GPC5: variants seen among roughly 807,000 people sequenced by gnomAD.
GPC5 encodes the protein glypican-5.
Under a neutral mutation model 53.9 loss-of-function variants are expected in GPC5, and 47 were observed. That is an observed-to-expected ratio of 0.87 (90% CI 0.69 to 1.11). GPC5 has a LOEUF of 1.11. Among genes scored for constraint, GPC5 ranks in the 50% most tolerant of loss-of-function variants. The probability of loss-of-function intolerance (pLI) is 0.00; values close to 1 mark genes in which losing one functional copy is unlikely to be tolerated. For synonymous variants in GPC5, 286 were observed against 263.3 expected (o/e 1.09, Z -0.84); for missense variants, 748 against 713.1 (o/e 1.05, Z -0.56).
chr13:92,628,206 T>C (rs1885107780), intron 7 of GPC5, among the ~76,000 whole-genome samples: 1 of 151,250 alleles, frequency 6.6e-6, no homozygotes, highest in Non-Finnish European at 1.5e-5. Context: ...ATATATCAGG[T>C]CTTTTTAAAT....
At chr13:92,155,139 G>A (rs1757817313) in intron 7 of GPC5, among the ~76,000 whole-genome samples, 1 of 152,016 alleles carries the variant, frequency 6.6e-6, no homozygotes, top group African/African-American at 2.4e-5. Context: ...AAGGACTCAT[G>A]GGGACAATAT....
chr13:92,471,623 C>T (rs1878914069), intron 7 of GPC5, among the ~76,000 whole-genome samples: 1 of 151,976 alleles, frequency 6.6e-6, no homozygotes, highest in Admixed American at 6.6e-5. Context: ...TATATAAATA[C>T]ACATATACAT....
intron 7 of GPC5, among the ~76,000 whole-genome samples, chr13:92,668,298 C>T (rs1886638910): frequency 6.6e-6 from 1 of 152,108 alleles, no homozygotes; most frequent in Admixed American, 6.6e-5. Context: ...ATATTTTCCT[C>T]TTCCCATTTT....
intron 5 of GPC5, among the ~76,000 whole-genome samples, chr13:91,797,446 G>T (rs2038064499): frequency 1.3e-5 from 2 of 152,078 alleles, no homozygotes; most frequent in Admixed American, 6.6e-5. Flanking sequence ...ATAAACAAAT[G>T]AAATTAAAAT....
chr13:92,418,463 T>G (rs563999185), intron 7 of GPC5, among the ~76,000 whole-genome samples: 1 of 152,292 alleles, frequency 6.6e-6, no homozygotes, highest in African/African-American at 2.4e-5. Context: ...TTAAAGAATC[T>G]CCATGGAGAA....
At chr13:92,455,121 A>C (rs1293328948) in intron 7 of GPC5, among the ~76,000 whole-genome samples, 1 of 152,162 alleles carries the variant, frequency 6.6e-6, no homozygotes, top group Non-Finnish European at 1.5e-5. Flanking sequence ...AGTAGGCTGC[A>C]ATGTTACCAC....
intron 6 of GPC5, among the ~76,000 whole-genome samples, chr13:91,997,718 C>T (rs896334675): frequency 2.0e-5 from 3 of 152,102 alleles, no homozygotes; most frequent in Non-Finnish European, 2.9e-5. Context: ...CGGGGTTTCA[C>T]CATGTTGGCT....
chr13:92,811,106 A>G (rs1024061968), intron 7 of GPC5, among the ~76,000 whole-genome samples: 2 of 152,040 alleles, frequency 1.3e-5, no homozygotes, highest in Non-Finnish European at 2.9e-5. Context: ...GAATATACAA[A>G]TTTTGTTTAT....
chr13:92,039,169 T>A (rs9583992), intron 6 of GPC5, among the ~76,000 whole-genome samples: 67,172 of 152,058 alleles, frequency 0.44, 15,180 homozygotes, highest in Admixed American at 0.52. Flanking sequence ...GCTCTGGTCA[T>A]TCTGTCTGAA....
In GPC5 at chr13:91,674,669, CATATATATGCGTATGTGTATATATATGT is replaced by C. The variant is rs1288237755; in HGVS notation, c.326-18509_326-18482del. Among the ~76,000 whole-genome samples, 10 of 144,624 alleles carry C rather than the reference CATATATATGCGTATGTGTATATATATGT, an allele frequency of 6.9e-5. 1 individual carries two copies. Among genetic ancestry groups the C allele is most frequent in the African/African-American group, 2.4e-4 (9 of 38,086 alleles). 94.9% of individuals were successfully genotyped at this position (144,624 alleles called of 152,430 possible). A position where few individuals can be genotyped will look rare whatever the true frequency, so the allele number is the denominator to read the frequency against. On this transcript the variant is annotated intron_variant, in intron 2 of 7. Coordinates refer to ENST00000377067, the MANE Select transcript of GPC5 (RefSeq NM_004466.6). ...TATTATGCGTATGTGTATATATACG[CATATATATGCGTATGTGTATATATATGT>C]ATATATATTAATTATATATATATAT...
chr13:92,264,007 A>T (rs1407470434), intron 7 of GPC5, among the ~76,000 whole-genome samples: 2 of 152,190 alleles, frequency 1.3e-5, no homozygotes, highest in African/African-American at 4.8e-5. Flanking sequence ...AATCAGATTG[A>T]TTTAATTACT....
At chr13:92,344,411 A>G (rs2043392833) in intron 7 of GPC5, among the ~76,000 whole-genome samples, 1 of 152,176 alleles carries the variant, frequency 6.6e-6, no homozygotes, top group Non-Finnish European at 1.5e-5. Context: ...GGGCGGGGAC[A>G]CAGCTAAACC....
rs60958496 is a variant in GPC5 at position 92,033,036 on chromosome 13, CGTGTGTGT to C, written c.1402-111762_1402-111755del. 1.4e-3 allele frequency among the ~76,000 whole-genome samples: 189 copies of C among 139,094 alleles called. 1 individual carries two copies. Among genetic ancestry groups the C allele is most frequent in the African/African-American group, 4.5e-3 (165 of 36,574 alleles). 91.3% of individuals were successfully genotyped at this position (139,094 alleles called of 152,430 possible). A position where few individuals can be genotyped will look rare whatever the true frequency, so the allele number is the denominator to read the frequency against. ...TTCTTCTGCCCGGGCTAGTTATTGT[CGTGTGTGT>C]GTGTGTGTGTGTGTGTGTGTGTGTG... On this transcript the variant is annotated intron_variant, in intron 6 of 7. Transcript: ENST00000377067.
At chr13:92,708,083 A>C (rs1489979612) in intron 7 of GPC5, among the ~76,000 whole-genome samples, 3 of 152,156 alleles carry the variant, frequency 2.0e-5, no homozygotes, top group Non-Finnish European at 4.4e-5. Flanking sequence ...TGTTCAGTAC[A>C]TATATTTTAA....
intron 7 of GPC5, among the ~76,000 whole-genome samples, chr13:92,652,986 T>A (rs988447752): frequency 3.9e-5 from 6 of 152,116 alleles, no homozygotes; most frequent in African/African-American, 1.4e-4. Context: ...GAATGTGAGT[T>A]TGTGTAGTGT....
intron 7 of GPC5, among the ~76,000 whole-genome samples, chr13:92,491,970 C>T (rs1271713743): frequency 6.6e-6 from 1 of 152,076 alleles, no homozygotes; most frequent in Non-Finnish European, 1.5e-5. Context: ...TCTTCAGCTT[C>T]ACAGTTTTTT....
chr13:92,260,820 G>A (rs538844127), intron 7 of GPC5, among the ~76,000 whole-genome samples: 2 of 152,182 alleles, frequency 1.3e-5, no homozygotes, highest in Admixed American at 6.5e-5. Flanking sequence ...TAATTAACAT[G>A]AGAATTGAAA....
chr13:92,608,668 C>T (rs765778008), intron 7 of GPC5, among the ~76,000 whole-genome samples: 3 of 152,098 alleles, frequency 2.0e-5, no homozygotes, highest in Non-Finnish European at 2.9e-5. Flanking sequence ...AAGCATTCAC[C>T]TATCCCTGTG....
Position 92,216,978 on chromosome 13 carries a change from CAAAAAAAA to C in GPC5, c.1561+72003_1561+72010del, listed in dbSNP as rs61411051. ...TGGGCGATAGAGGAAGATCTTGTCT[CAAAAAAAA>C]AAAAAAAAAAAAAGTCATCTGACTT... On this transcript the variant is annotated intron_variant, in intron 7 of 7. Coordinates refer to ENST00000377067, the MANE Select transcript of GPC5 (RefSeq NM_004466.6). Among the ~76,000 whole-genome samples, 882 of 93,658 alleles carry C rather than the reference CAAAAAAAA, an allele frequency of 9.4e-3. 9 individuals are homozygous for C. The highest frequency in any genetic ancestry group is 0.033 in the African/African-American group (826 of 25,100). 61.4% of individuals were successfully genotyped at this position (93,658 alleles called of 152,430 possible). A position where few individuals can be genotyped will look rare whatever the true frequency, so the allele number is the denominator to read the frequency against.
Sources: allele counts gnomAD v4.1 joint callset (sites outside exome capture counted in the v4.1 genomes callset), GRCh38; gene constraint gnomAD v4.1.1; transcripts MANE v1.5; gene names NCBI Gene and HGNC (gene_info 2026-07-23, HGNC 2026-07-21).